The following TLR2 variants were observed in gnomAD, a reference collection of about 807,000 sequenced individuals.
The protein encoded by TLR2 is toll like receptor 2, also known as toll-like receptor 2.
TLR2 carries 7 observed loss-of-function variants against 9.1 expected under a neutral mutation model. The ratio of observed to expected loss-of-function variants is 0.77; its 90% CI spans 0.44 to 1.44. The LOEUF (loss-of-function observed/expected upper bound fraction) is 1.44. Ranked by LOEUF, TLR2 falls within the 40% of genes most tolerant of loss-of-function variation. The pLI is 0.01. For missense variants in TLR2, 812 were observed against 904.6 expected (o/e 0.90, Z 1.31); for synonymous variants, 317 against 344.6 (o/e 0.92, Z 0.89).
downstream of TLR2, among the ~76,000 whole-genome samples, chr4:153,707,203 G>A (rs373600609): frequency 6.6e-6 from 1 of 152,060 alleles, no homozygotes. Context: ...TGGGGAACTC[G>A]CATAGGGCTG....
intron 2 of TLR2, among the ~76,000 whole-genome samples, chr4:153,689,272 T>A (rs541122177): frequency 1.5e-3 from 235 of 152,362 alleles, no homozygotes; most frequent in Middle Eastern, 3.4e-3. Flanking sequence ...GTTTAGCTCC[T>A]ACAGCGGGCC....
Position 153,690,287 on chromosome 4 carries a change from C to G in TLR2, c.-17+2240C>G, listed in dbSNP as rs1736019859. ...TGGGGTGTCCTGTAATCCCTGTTTC[C>G]CCTTTTTGCTTTTGCAACTGCTGTT... On this transcript the variant is annotated intron_variant, in intron 2 of 2. Coordinates refer to ENST00000642700, the MANE Select transcript of TLR2 (RefSeq NM_001318789.2). Among the ~76,000 whole-genome samples the G allele has an allele frequency of 2.6e-5, 4 of 152,180 alleles. No homozygotes were observed. In the South Asian group the frequency reaches 8.3e-4, roughly 32 times the overall value.
downstream of TLR2, among the ~76,000 whole-genome samples, chr4:153,706,978 C>A (rs868701373): frequency 1.3e-5 from 2 of 152,064 alleles, no homozygotes; most frequent in Admixed American, 6.5e-5. Context: ...AGAATGGGCA[C>A]TATGGGTTCG....
chr4:153,699,010 T>A (rs1736698412), intron 2 of TLR2, among the ~76,000 whole-genome samples: 1 of 152,142 alleles, frequency 6.6e-6, no homozygotes, highest in African/African-American at 2.4e-5. Context: ...AGAAACTGAA[T>A]AATAAAACCA....
At chr4:153,698,816 T>G (rs948761129) in intron 2 of TLR2, among the ~76,000 whole-genome samples, 3 of 152,174 alleles carry the variant, frequency 2.0e-5, no homozygotes, top group Non-Finnish European at 4.4e-5. Flanking sequence ...ACTAATATGC[T>G]TTTAAAGATC....
downstream of TLR2, among the ~76,000 whole-genome samples, chr4:153,708,781 C>T (rs1056322506): frequency 7.9e-5 from 12 of 152,102 alleles, no homozygotes; most frequent in African/African-American, 2.9e-4. Context: ...TGGGAGATTG[C>T]ACTGGAAACA....
At chr4:153,686,347 A>C (rs939837679) in intron 1 of TLR2, among the ~76,000 whole-genome samples, 1 of 152,236 alleles carries the variant, frequency 6.6e-6, no homozygotes, top group African/African-American at 2.4e-5. Flanking sequence ...ATTACTTTAA[A>C]GCCCAAAATG....
chr4:153,697,633 A>C (rs1014934424), intron 2 of TLR2, among the ~76,000 whole-genome samples: 2 of 152,174 alleles, frequency 1.3e-5, no homozygotes, highest in Non-Finnish European at 2.9e-5. Flanking sequence ...GACGTTGAAC[A>C]AACTTTGGAA....
At chr4:153,694,365 G>A (rs138093311) in intron 2 of TLR2, among the ~76,000 whole-genome samples, 1 of 152,340 alleles carries the variant, frequency 6.6e-6, no homozygotes, top group African/African-American at 2.4e-5. Context: ...GTGCTGCAGA[G>A]ATTTTGTTTA....
chr4:153,705,596 A>G lies in TLR2; in HGVS notation c.*334A>G, dbSNP rs569849503. 3.2e-4 allele frequency: 66 copies of G among 208,300 alleles called. No homozygotes were observed. In the Middle Eastern group the frequency reaches 8.6e-3, roughly 27 times the overall value. 12.9% of individuals were successfully genotyped at this position (208,300 alleles called of 1,614,324 possible). ...AAATTCATAGATGATCAAGTCCCTT[A>G]TAAGAGTGGCATAGTATTTGCATAT... On this transcript the variant is annotated 3_prime_UTR_variant, in exon 3 of 3. Transcript: ENST00000642700.
intron 2 of TLR2, among the ~76,000 whole-genome samples, chr4:153,692,649 T>G (rs1736200373): frequency 6.6e-6 from 1 of 152,208 alleles, no homozygotes; most frequent in Non-Finnish European, 1.5e-5. Flanking sequence ...GCATCATATG[T>G]TGACTTTGAG....
intron 2 of TLR2, among the ~76,000 whole-genome samples, chr4:153,695,885 C>T (rs184921967): frequency 3.3e-5 from 5 of 151,890 alleles, no homozygotes; most frequent in Admixed American, 6.6e-5. Context: ...TAGTTTCTTC[C>T]GCATATGGAT....
chr4:153,708,265 A>G (rs1272208194), downstream of TLR2, among the ~76,000 whole-genome samples: 1 of 152,246 alleles, frequency 6.6e-6, no homozygotes, highest in Non-Finnish European at 1.5e-5. Context: ...GTGGCTATAC[A>G]TAAAAGATAA....
chr4:153,703,027 A>C lies in TLR2; in HGVS notation c.120A>C (p.Ser40=). 6.2e-7 allele frequency: 1 copy of C among 1,614,084 alleles called. No individual in the cohort carries two copies. The highest frequency in any genetic ancestry group is 2.2e-5 in the East Asian group (1 of 44,876). ...GCAATGGTATCTGCAAGGGCAGCTC[A>C]GGATCTTTAAACTCCATTCCCTCAG... ...CDRNGICKGS[S]GSLNSIPSGL... Residue 40 remains serine (S), a synonymous_variant, in exon 3 of 3, where the codon TCA becomes TCC. Transcript: ENST00000642700.
downstream of TLR2, chr4:153,710,137 G>GT: frequency 2.5e-6 from 1 of 400,202 alleles, no homozygotes; most frequent in Non-Finnish European, 4.5e-6. Flanking sequence ...AATGTGACAT[G>GT]TGCATGAGTT....
chr4:153,696,863 C>CAA (rs55699629), intron 2 of TLR2, among the ~76,000 whole-genome samples: 9 of 149,290 alleles, frequency 6.0e-5, no homozygotes, highest in Non-Finnish European at 8.9e-5. Flanking sequence ...AGCCCATCTA[C>CAA]AAAAAAAAAA....
At chr4:153,706,464 G>C (rs1737334904), downstream of TLR2, among the ~76,000 whole-genome samples, 1 of 152,148 alleles carries the variant, frequency 6.6e-6, no homozygotes, top group Non-Finnish European at 1.5e-5. Flanking sequence ...AAAAGTACAT[G>C]TGAGCTAAAT....
downstream of TLR2, chr4:153,710,540 A>G: frequency 6.4e-7 from 1 of 1,559,596 alleles, no homozygotes; most frequent in Non-Finnish European, 8.8e-7. Context: ...TAGCAGAAAT[A>G]TTCATAAATG....
rs1737152934 is a variant in TLR2 at position 153,704,241 on chromosome 4, G to T, written c.1334G>T (p.Ser445Ile). 6.2e-7 allele frequency: 1 copy of T among 1,614,060 alleles called. No homozygotes were observed. The highest frequency in any genetic ancestry group is 1.3e-5 in the African/African-American group (1 of 74,912). ...PEKMKYLNLS[S>I]TRIHSVTGCI... ...AAGATGAAATATTTGAACTTATCCA[G>T]CACACGAATACACAGTGTAACAGGC... The change falls in exon 3 of 3, where the codon AGC becomes ATC. Residue 445 changes from serine to isoleucine, a missense_variant. Ser to Ile is a moderately radical substitution (Grantham distance 142). Transcript: ENST00000642700.
Sources: gnomAD v4.1 joint callset for allele counts (sites outside exome capture counted in the v4.1 genomes callset) on GRCh38, gnomAD v4.1.1 for gene constraint, MANE v1.5 for transcripts, NCBI Gene and HGNC (gene_info 2026-07-23, HGNC 2026-07-21) for gene names.